Variants in TMEM232 observed in about 807,000 individuals in gnomAD.
TMEM232 encodes transmembrane protein 232.
Under a neutral mutation model 78.8 loss-of-function variants are expected in TMEM232, and 80 were observed. The observed-to-expected ratio is 1.01, with a 90% CI of 0.85 to 1.22. The LOEUF (loss-of-function observed/expected upper bound fraction) is 1.22, where lower values mean the gene tolerates loss of function less well. Ranked by LOEUF, TMEM232 falls within the 50% of genes most tolerant of loss-of-function variation. The probability of loss-of-function intolerance (pLI) is 0.00; values close to 1 mark genes in which losing one functional copy is unlikely to be tolerated. For missense variants in TMEM232, 881 were observed against 742.2 expected (o/e 1.19, Z -2.17); for synonymous variants, 297 against 254.3 (o/e 1.17, Z -1.60).
chr5:110,530,118 T>A (rs373797224), intron 11 of TMEM232, among the ~76,000 whole-genome samples: 8 of 152,204 alleles, frequency 5.3e-5, no homozygotes, highest in African/African-American at 1.9e-4. Flanking sequence ...AAATTAGGCC[T>A]GGCTAAATTA....
intron 12 of TMEM232, among the ~76,000 whole-genome samples, chr5:110,526,079 A>G (rs935763319): frequency 4.7e-5 from 7 of 150,506 alleles, no homozygotes; most frequent in Admixed American, 6.6e-5. Flanking sequence ...TACAATGTAC[A>G]TAACAAATCC....
chr5:110,676,565 C>G (rs1792053605), intron 1 of TMEM232, among the ~76,000 whole-genome samples: 1 of 151,718 alleles, frequency 6.6e-6, no homozygotes, highest in Non-Finnish European at 1.5e-5. Flanking sequence ...GCCACCACAC[C>G]CATCTAATGT....
At chr5:110,439,621 G>C (rs1580687397) in intron 12 of TMEM232, among the ~76,000 whole-genome samples, 2 of 151,984 alleles carry the variant, frequency 1.3e-5, no homozygotes, top group East Asian at 1.9e-4. Flanking sequence ...CTTTTGATCT[G>C]GTGGTTTCCA....
chr5:110,705,592 C>T (rs1276027277), intron 1 of TMEM232, among the ~76,000 whole-genome samples: 1 of 150,814 alleles, frequency 6.6e-6, no homozygotes, highest in Non-Finnish European at 1.5e-5. Context: ...AAAACATGAC[C>T]AACCATTTTG....
chr5:110,516,946 A>C (rs1252514475), intron 12 of TMEM232, among the ~76,000 whole-genome samples: 1 of 151,926 alleles, frequency 6.6e-6, no homozygotes, highest in African/African-American at 2.4e-5. Flanking sequence ...CACTGAAACA[A>C]GCATGCTCTA....
chr5:110,437,425 A>G (rs2112728553), intron 12 of TMEM232, among the ~76,000 whole-genome samples: 1 of 152,200 alleles, frequency 6.6e-6, no homozygotes, highest in Admixed American at 6.6e-5. Context: ...AAGGCTATAA[A>G]GAAAAGCAAC....
intron 2 of TMEM232, among the ~76,000 whole-genome samples, chr5:110,403,474 T>G (rs17132063): frequency 0.02 from 2,984 of 152,114 alleles, 92 homozygotes; most frequent in African/African-American, 0.068. Flanking sequence ...ATCCATAGAT[T>G]GTCAGAACTA....
intron 11 of TMEM232, among the ~76,000 whole-genome samples, chr5:110,533,402 C>T (rs985529464): frequency 6.6e-6 from 1 of 152,194 alleles, no homozygotes; most frequent in African/African-American, 2.4e-5. Flanking sequence ...AGAATTCCTA[C>T]ACAAGAGCCA....
At chr5:110,557,190 A>G (rs1238791479) in intron 11 of TMEM232, among the ~76,000 whole-genome samples, 1 of 152,146 alleles carries the variant, frequency 6.6e-6, no homozygotes, top group East Asian at 1.9e-4. Flanking sequence ...TTATGTTATG[A>G]AATTTTTCTA....
chr5:110,696,641 C>T (rs990834795), intron 1 of TMEM232, among the ~76,000 whole-genome samples: 3 of 152,174 alleles, frequency 2.0e-5, no homozygotes, highest in Non-Finnish European at 2.9e-5. Flanking sequence ...AAATCACAAG[C>T]ATTCTTATAC....
chr5:110,522,331 G>T (rs1485265097), intron 12 of TMEM232, among the ~76,000 whole-genome samples: 1 of 152,048 alleles, frequency 6.6e-6, no homozygotes, highest in Admixed American at 6.6e-5. Flanking sequence ...GGAGTCTCTA[G>T]GGTTACATAT....
intron 4 of TMEM232, 68 bp from the exon 5 acceptor site, chr5:110,638,423 AC>A: frequency 7.2e-7 from 1 of 1,394,738 alleles, no homozygotes; most frequent in Non-Finnish European, 9.6e-7. Context: ...TGCTATAATT[AC>A]TTTTTGTAAT....
At chr5:110,464,413 G>GCCATCAT (rs1761858151) in intron 12 of TMEM232, among the ~76,000 whole-genome samples, 1 of 152,154 alleles carries the variant, frequency 6.6e-6, no homozygotes, top group Non-Finnish European at 1.5e-5. Flanking sequence ...ATCTGGAATT[G>GCCATCAT]CCATCATAGG....
intron 12 of TMEM232, among the ~76,000 whole-genome samples, chr5:110,523,450 A>G (rs1769854866): frequency 6.6e-6 from 1 of 151,858 alleles, no homozygotes; most frequent in African/African-American, 2.4e-5. Context: ...TTCTTTTTCT[A>G]GGTCCTTGAG....
intron 2 of TMEM232, among the ~76,000 whole-genome samples, chr5:110,657,653 A>C (rs2150087833): frequency 6.6e-6 from 1 of 152,250 alleles, no homozygotes; most frequent in East Asian, 1.9e-4. Context: ...GTTACAGTTA[A>C]GAAGAATTTG....
At chr5:110,460,732 A>G (rs1761431668) in intron 12 of TMEM232, among the ~76,000 whole-genome samples, 1 of 150,816 alleles carries the variant, frequency 6.6e-6, no homozygotes, top group African/African-American at 2.4e-5. Context: ...ATCTATTGGT[A>G]TCATTTTCCA....
chr5:110,573,608 T>G (rs76004665), intron 10 of TMEM232, among the ~76,000 whole-genome samples: 8 of 152,074 alleles, frequency 5.3e-5, no homozygotes, highest in Non-Finnish European at 1.0e-4. Flanking sequence ...AGAAAGTAAG[T>G]ATAACAGTAT....
intron 1 of TMEM232, chr5:110,720,545 G>T (rs907812193): frequency 1.3e-5 from 2 of 152,110 alleles, no homozygotes; most frequent in African/African-American, 4.8e-5. Context: ...CACTTGAGGG[G>T]AAGATGGCAT....
intron 6 of TMEM232, 146 bp from the exon 7 acceptor site, chr5:110,625,579 G>T: frequency 1.6e-6 from 1 of 625,678 alleles, no homozygotes; most frequent in South Asian, 3.1e-5. Flanking sequence ...ATAATGTTAT[G>T]TATGCCCCCT....
Sources: allele counts gnomAD v4.1 joint callset (sites outside exome capture counted in the v4.1 genomes callset), GRCh38; gene constraint gnomAD v4.1.1; transcripts MANE v1.5; gene names NCBI Gene and HGNC (gene_info 2026-07-23, HGNC 2026-07-21).